Variants in DCBLD2 observed in about 807,000 individuals in gnomAD.
The protein encoded by DCBLD2 is discoidin, CUB and LCCL domain containing 2.
In DCBLD2, 54 loss-of-function variants were observed where a neutral mutation model predicts 86.8. That is an observed-to-expected ratio of 0.62 (90% CI 0.50 to 0.78). The LOEUF is 0.78. Among genes scored for constraint, DCBLD2 ranks in the 30% least tolerant of loss-of-function variants. The pLI is 0.00. For missense variants in DCBLD2, 908 were observed against 954.2 expected (o/e 0.95, Z 0.64); for synonymous variants, 354 against 341.3 (o/e 1.04, Z -0.41).
intron 2 of DCBLD2, among the ~76,000 whole-genome samples, chr3:98,866,310 G>A (rs1218944912): frequency 6.6e-6 from 1 of 152,272 alleles, no homozygotes; most frequent in Admixed American, 6.5e-5. Flanking sequence ...GGTTGAACTA[G>A]TTTACACTCC....
At chr3:98,844,063 C>CACACACACACACACA (rs71124005) in intron 3 of DCBLD2, among the ~76,000 whole-genome samples, 38 of 142,888 alleles carry the variant, frequency 2.7e-4, no homozygotes, top group Non-Finnish European at 2.9e-4. Context: ...CACACACACA[C>CACACACACACACACA]CCCAATTATG....
intron 2 of DCBLD2, among the ~76,000 whole-genome samples, chr3:98,856,610 A>G (rs543425213): frequency 6.6e-6 from 1 of 152,288 alleles, no homozygotes; most frequent in African/African-American, 2.4e-5. Context: ...AACACTCCAA[A>G]GTTAATTAAA....
chr3:98,873,229 C>T (rs1262431473), intron 2 of DCBLD2, among the ~76,000 whole-genome samples: 6 of 151,890 alleles, frequency 4.0e-5, no homozygotes, highest in African/African-American at 1.5e-4. Context: ...GCAAAACCTC[C>T]AGGAGACAGC....
intron 2 of DCBLD2, among the ~76,000 whole-genome samples, chr3:98,868,777 T>A (rs1207451508): frequency 6.6e-6 from 1 of 152,156 alleles, no homozygotes; most frequent in Non-Finnish European, 1.5e-5. Context: ...TGCGAAGACA[T>A]TATTTCATTC....
intron 2 of DCBLD2, among the ~76,000 whole-genome samples, chr3:98,866,396 A>G (rs1443845663): frequency 6.6e-6 from 1 of 152,076 alleles, no homozygotes; most frequent in African/African-American, 2.4e-5. Context: ...TTTAATGATC[A>G]CCATTCTAAC....
chr3:98,886,800 A>ACC (rs56817910), intron 1 of DCBLD2, among the ~76,000 whole-genome samples: 26,753 of 121,098 alleles, frequency 0.22, 3,664 homozygotes, highest in East Asian at 0.46. Context: ...TTACAGGAAA[A>ACC]CCCCCCCCCT....
intron 2 of DCBLD2, among the ~76,000 whole-genome samples, chr3:98,864,657 G>T (rs1943109805): frequency 6.6e-6 from 1 of 152,052 alleles, no homozygotes; most frequent in Admixed American, 6.6e-5. Context: ...TGAACAATGA[G>T]AACACTTGGA....
At chr3:98,818,648 T>C (rs1942065224) in intron 8 of DCBLD2, among the ~76,000 whole-genome samples, 2 of 152,308 alleles carry the variant, frequency 1.3e-5, no homozygotes, top group Admixed American at 6.5e-5. Context: ...GTCGGCACCA[T>C]TTAATCTGCA....
chr3:98,889,578 T>C (rs973267492), intron 1 of DCBLD2, among the ~76,000 whole-genome samples: 2 of 152,056 alleles, frequency 1.3e-5, no homozygotes, highest in African/African-American at 4.8e-5. Context: ...TTACAGATTG[T>C]TTGGTAAAGA....
At chr3:98,808,283 G>A (rs780970624) in intron 12 of DCBLD2, 109 bp from the exon 13 acceptor site, 6 of 911,862 alleles carry the variant, frequency 6.6e-6, no homozygotes, top group South Asian at 1.9e-5. Flanking sequence ...TCTACCTCAC[G>A]GAAATACCAT....
intron 2 of DCBLD2, among the ~76,000 whole-genome samples, chr3:98,863,269 A>G (rs1943080582): frequency 6.6e-6 from 1 of 152,204 alleles, no homozygotes; most frequent in South Asian, 2.1e-4. Context: ...AATCAATATC[A>G]TGAAAATGGC....
At chr3:98,828,480 G>A (rs1428308054) in intron 3 of DCBLD2, among the ~76,000 whole-genome samples, 1 of 152,136 alleles carries the variant, frequency 6.6e-6, no homozygotes, top group African/African-American at 2.4e-5. Flanking sequence ...TTAGCCATCA[G>A]GGAAATGCAA....
chr3:98,862,672 C>G (rs1219080425), intron 2 of DCBLD2, among the ~76,000 whole-genome samples: 1 of 152,094 alleles, frequency 6.6e-6, no homozygotes, highest in Non-Finnish European at 1.5e-5. Context: ...ATTCAACAGC[C>G]TTTTATCCTA....
chr3:98,885,176 T>C (rs970936475), intron 1 of DCBLD2, among the ~76,000 whole-genome samples: 1 of 152,012 alleles, frequency 6.6e-6, no homozygotes, highest in Non-Finnish European at 1.5e-5. Flanking sequence ...CCAAGAATGT[T>C]CTAAAATATG....
intron 3 of DCBLD2, among the ~76,000 whole-genome samples, chr3:98,845,541 CCT>C (rs1260569110): frequency 1.6e-4 from 25 of 152,330 alleles, no homozygotes; most frequent in Admixed American, 1.6e-3. Context: ...TCTTAACGGG[CCT>C]CTCTACATTT....
rs553357315 is a variant in DCBLD2, at chr3:98,870,498, T to G, written c.433+11042A>C. 1.6e-3 allele frequency among the ~76,000 whole-genome samples: 239 copies of G among 151,942 alleles called. 1 individual carries two copies. Among genetic ancestry groups the G allele is most frequent in the Middle Eastern group, 0.014 (4 of 294 alleles). ...AAATGGTGTTTTTGGCAGGATATGA[T>G]GGCACACACCTGTAGTTCCAGCTGC... On this transcript the variant is annotated intron_variant, in intron 2 of 15. Transcript: ENST00000326840.
intron 1 of DCBLD2, among the ~76,000 whole-genome samples, chr3:98,893,594 C>T (rs553459916): frequency 1.3e-5 from 2 of 152,148 alleles, no homozygotes; most frequent in East Asian, 3.9e-4. Context: ...AGAAAATATA[C>T]AGCACAAATG....
chr3:98,870,737 AAAAGAAAG>A (rs199615171), intron 2 of DCBLD2, among the ~76,000 whole-genome samples: 7,833 of 69,582 alleles, frequency 0.11, 337 homozygotes, highest in East Asian at 0.17. Flanking sequence ...AAAAGAAAGA[AAAAGAAAG>A]AAAGAAAGAA....
intron 2 of DCBLD2, among the ~76,000 whole-genome samples, chr3:98,862,938 T>C (rs1192654694): frequency 1.3e-5 from 2 of 152,216 alleles, no homozygotes; most frequent in South Asian, 4.1e-4. Context: ...ATTGTCCCTG[T>C]TTGCAGATGA....
Sources: allele counts gnomAD v4.1 joint callset (sites outside exome capture counted in the v4.1 genomes callset), GRCh38; gene constraint gnomAD v4.1.1; transcripts MANE v1.5; gene names NCBI Gene and HGNC (gene_info 2026-07-23, HGNC 2026-07-21).